SFMBT2: variants seen among roughly 807,000 people sequenced by gnomAD.
The protein encoded by SFMBT2 is Scm like with four mbt domains 2.
A neutral mutation model predicts 110.1 loss-of-function variants in SFMBT2; 38 were observed. That is an observed-to-expected ratio of 0.35 (90% CI 0.27 to 0.45). SFMBT2 has a LOEUF of 0.45. Ranked by LOEUF, SFMBT2 falls within the 20% of genes least tolerant of loss-of-function variation. The pLI is 1.00. For synonymous variants in SFMBT2, 425 were observed against 425.4 expected, an observed-to-expected ratio of 1.00 and a Z score of 0.01; for missense variants, 1,011 against 1,094.9, an observed-to-expected ratio of 0.92 and a Z score of 1.08.
chr10:7,357,959 C>T (rs961729215), intron 4 of SFMBT2, among the ~76,000 whole-genome samples: 102 of 151,594 alleles, frequency 6.7e-4, no homozygotes, highest in African/African-American at 2.3e-3. Flanking sequence ...AGCATGGCCC[C>T]GGAATGAATG....
At position 7,172,626 on chromosome 10, in the gene SFMBT2, G is replaced by A. The variant is rs1207314713; in HGVS notation, c.2020C>T (p.Pro674Ser). The change falls in exon 18 of 21, where the codon CCC becomes TCC. Residue 674 changes from proline (P) to serine (S), a missense_variant. Physicochemically the swap from Pro to Ser is moderately conservative, Grantham distance 74. This residue lies in a region of SFMBT2 where 979 missense variants were observed against 1,016.1 expected (regional missense o/e 0.96). Transcript: ENST00000397167. The surrounding 1 kb of genome is among the most constrained non-coding windows in gnomAD (Gnocchi z 4.6). ...YYGKRKKISK[P>S]PIGESNPDSG... ...TCGGGGTTGCTTTCCCCGATGGGGGGCTTGGAGATCTTCTTTCTCTTTCCA... is the reference window on the plus strand; with the variant it reads ...TCGGGGTTGCTTTCCCCGATGGGGGACTTGGAGATCTTCTTTCTCTTTCCA... 8 of 1,614,218 alleles carry A rather than the reference G, an allele frequency of 5.0e-6. No homozygotes were observed. Among genetic ancestry groups the A allele is most frequent in the Non-Finnish European group, 6.8e-6 (8 of 1,180,034 alleles).
intron 7 of SFMBT2, among the ~76,000 whole-genome samples, chr10:7,267,440 G>A (rs183891730): frequency 2.6e-5 from 4 of 152,276 alleles, no homozygotes; most frequent in Admixed American, 2.6e-4. Flanking sequence ...GGACTCAAGT[G>A]CAGTTGTCTT....
At chr10:7,382,600 C>T (rs1845455825) in intron 1 of SFMBT2, among the ~76,000 whole-genome samples, 1 of 152,010 alleles carries the variant, frequency 6.6e-6, no homozygotes, top group South Asian at 2.1e-4. Flanking sequence ...TGGTAAGACA[C>T]TCCCCCCGCC....
intron 4 of SFMBT2, among the ~76,000 whole-genome samples, chr10:7,345,469 C>T (rs1564450443): frequency 6.6e-6 from 1 of 152,210 alleles, no homozygotes; most frequent in Non-Finnish European, 1.5e-5. Context: ...AGCAATTCTC[C>T]TGCCTCAGCC....
chr10:7,349,565 C>A (rs1844244321), intron 4 of SFMBT2, among the ~76,000 whole-genome samples: 1 of 138,424 alleles, frequency 7.2e-6, no homozygotes, highest in Admixed American at 7.9e-5. Context: ...TCATGCAATT[C>A]TCCTGCCTCA....
intron 7 of SFMBT2, among the ~76,000 whole-genome samples, chr10:7,250,019 T>A (rs1840751072): frequency 6.6e-6 from 1 of 152,144 alleles, no homozygotes; most frequent in Admixed American, 6.5e-5. Context: ...GAACTTACAA[T>A]CCACACTTTA....
At chr10:7,409,915 A>G (rs1846326494) in intron 1 of SFMBT2, among the ~76,000 whole-genome samples, 1 of 152,028 alleles carries the variant, frequency 6.6e-6, no homozygotes, top group Non-Finnish European at 1.5e-5. Flanking sequence ...CCGGCCACCG[A>G]GAATCAGCCA....
intron 7 of SFMBT2, among the ~76,000 whole-genome samples, chr10:7,273,522 G>A (rs1172233667): frequency 1.3e-5 from 2 of 152,052 alleles, no homozygotes; most frequent in Non-Finnish European, 2.9e-5. Context: ...TGTGCACAAC[G>A]TGCAGGTTTG....
At chr10:7,177,160 G>A (rs766613975) in intron 16 of SFMBT2, among the ~76,000 whole-genome samples, 1 of 152,054 alleles carries the variant, frequency 6.6e-6, no homozygotes, top group African/African-American at 2.4e-5. Context: ...CACCTTCACC[G>A]CAATTCCCCA....
At chr10:7,319,826 GAGAC>G (rs1843121608) in intron 4 of SFMBT2, among the ~76,000 whole-genome samples, 1 of 151,322 alleles carries the variant, frequency 6.6e-6, no homozygotes, top group African/African-American at 2.4e-5. Context: ...GAGACAGAGA[GAGAC>G]AGAGAGGAAG....
chr10:7,278,380 G>A (rs1017512478), intron 6 of SFMBT2, among the ~76,000 whole-genome samples: 12 of 152,180 alleles, frequency 7.9e-5, no homozygotes, highest in African/African-American at 1.9e-4. Context: ...CCATGAGAGC[G>A]AGAGGGATAC....
At chr10:7,190,775 T>C (rs1189591820) in intron 15 of SFMBT2, among the ~76,000 whole-genome samples, 8 of 152,222 alleles carry the variant, frequency 5.3e-5, no homozygotes, top group Non-Finnish European at 1.0e-4. Context: ...CCCAAACTAA[T>C]AGGACCTTAG....
chr10:7,211,460 C>G (rs1444781411), intron 11 of SFMBT2, among the ~76,000 whole-genome samples: 1 of 152,180 alleles, frequency 6.6e-6, no homozygotes, highest in African/African-American at 2.4e-5. Flanking sequence ...TCCCCGGCCT[C>G]TGGTCAACAG....
intron 12 of SFMBT2, 90 bp downstream of exon 12, chr10:7,205,725 G>C (rs1427358444): frequency 2.7e-6 from 4 of 1,493,414 alleles, no homozygotes; most frequent in African/African-American, 2.8e-5. Context: ...TTGTTCTTTA[G>C]AACTTGGTTA....
intron 4 of SFMBT2, among the ~76,000 whole-genome samples, chr10:7,286,912 T>A (rs570089503): frequency 2.0e-5 from 3 of 151,926 alleles, no homozygotes; most frequent in African/African-American, 7.3e-5. Context: ...AAATGGGACA[T>A]CTCTGTATAA....
intron 1 of SFMBT2, among the ~76,000 whole-genome samples, chr10:7,390,694 G>A (rs1286085258): frequency 2.6e-5 from 4 of 152,172 alleles, no homozygotes; most frequent in Admixed American, 6.6e-5. Context: ...ATTAAAAGGG[G>A]AAAAGTTTGC....
At chr10:7,283,247 G>C (rs555966068) in intron 6 of SFMBT2, among the ~76,000 whole-genome samples, 1 of 152,332 alleles carries the variant, frequency 6.6e-6, no homozygotes, top group Admixed American at 6.5e-5. Flanking sequence ...GTATGACAGA[G>C]AGCATAAGGC....
At chr10:7,198,261 G>T in intron 14 of SFMBT2, 1 of 465,198 alleles carries the variant, frequency 2.1e-6, no homozygotes, top group Non-Finnish European at 2.8e-6. Context: ...TTACTTCTTT[G>T]ACTCTATTGA....
intron 16 of SFMBT2, chr10:7,176,507 C>T (rs1047067690): frequency 4.1e-6 from 4 of 985,158 alleles, no homozygotes; most frequent in South Asian, 4.7e-5. Flanking sequence ...TTAGTGAAAT[C>T]GAATGGGTAT....
Sources: gnomAD v4.1 joint callset for allele counts (sites outside exome capture counted in the v4.1 genomes callset) on GRCh38, gnomAD v4.1.1 for gene constraint, gnomAD v4.1.1 regional missense constraint, Gnocchi (gnomAD v3.1) non-coding constraint, MANE v1.5 for transcripts, NCBI Gene and HGNC (gene_info 2026-07-23, HGNC 2026-07-21) for gene names.